The following GPC6 variants were observed in gnomAD, a reference collection of about 807,000 sequenced individuals.
GPC6 encodes the protein glypican 6.
Under a neutral mutation model 55.2 loss-of-function variants are expected in GPC6, and 14 were observed. That is an observed-to-expected ratio of 0.25 (90% CI 0.17 to 0.40). The LOEUF is 0.40. GPC6 is among the 10% of genes least tolerant of loss of function. GPC6 has a pLI of 1.00. For synonymous variants in GPC6, 278 were observed against 259.6 expected (o/e 1.07, Z -0.68); for missense variants, 641 against 708.5 (o/e 0.90, Z 1.08).
At chr13:94,081,157 C>T (rs1169494139) in intron 4 of GPC6, among the ~76,000 whole-genome samples, 1 of 152,124 alleles carries the variant, frequency 6.6e-6, no homozygotes, top group Non-Finnish European at 1.5e-5. Flanking sequence ...CTGGCTAGCT[C>T]TAAAAGACTC....
intron 1 of GPC6, among the ~76,000 whole-genome samples, chr13:93,445,478 A>T (rs1877967265): frequency 6.6e-6 from 1 of 152,176 alleles, no homozygotes; most frequent in South Asian, 2.1e-4. Context: ...TTCAAAGTGA[A>T]CCACAATTCA....
At chr13:93,909,231 T>C (rs897991478) in intron 3 of GPC6, among the ~76,000 whole-genome samples, 22 of 152,280 alleles carry the variant, frequency 1.4e-4, no homozygotes, top group Non-Finnish European at 3.1e-4. Flanking sequence ...TGCAAGTAAA[T>C]GCTTGAATCA....
chr13:93,674,378 A>G (rs1232587438), intron 2 of GPC6, among the ~76,000 whole-genome samples: 3 of 152,150 alleles, frequency 2.0e-5, no homozygotes, highest in African/African-American at 2.4e-5. Flanking sequence ...GCCTAATTTT[A>G]TGTCCTATCT....
At chr13:93,540,127 C>T (rs573209716) in intron 1 of GPC6, among the ~76,000 whole-genome samples, 28 of 151,948 alleles carry the variant, frequency 1.8e-4, no homozygotes, top group South Asian at 6.3e-4. Context: ...AGAATGTTTA[C>T]GTGTAACAGC....
chr13:93,380,952 A>G (rs1875143374), intron 1 of GPC6, among the ~76,000 whole-genome samples: 2 of 152,134 alleles, frequency 1.3e-5, no homozygotes, highest in African/African-American at 4.8e-5. Flanking sequence ...AGTTGCCTAA[A>G]ATCTCTTCAC....
intron 4 of GPC6, among the ~76,000 whole-genome samples, chr13:94,255,518 A>G (rs976488537): frequency 2.0e-5 from 3 of 152,136 alleles, no homozygotes; most frequent in African/African-American, 7.2e-5. Context: ...GAACTTCTTG[A>G]AATACTTGGT....
chr13:94,345,296 A>G (rs1878232304), intron 6 of GPC6, among the ~76,000 whole-genome samples: 1 of 152,178 alleles, frequency 6.6e-6, no homozygotes, highest in African/African-American at 2.4e-5. Flanking sequence ...CTGTAATAGT[A>G]TCTAATACAG....
At chr13:93,790,486 T>C (rs1362364159) in intron 2 of GPC6, among the ~76,000 whole-genome samples, 1 of 152,184 alleles carries the variant, frequency 6.6e-6, no homozygotes, top group Non-Finnish European at 1.5e-5. Flanking sequence ...ATCAGATTTA[T>C]TATTGGTAAC....
intron 3 of GPC6, among the ~76,000 whole-genome samples, chr13:93,912,438 G>A (rs540913382): frequency 9.2e-5 from 14 of 152,114 alleles, no homozygotes; most frequent in African/African-American, 3.1e-4. Context: ...TCACAAATTG[G>A]GTGGCTCAAA....
intron 2 of GPC6, among the ~76,000 whole-genome samples, chr13:93,612,052 T>C (rs1391711666): frequency 6.6e-6 from 1 of 152,216 alleles, no homozygotes; most frequent in African/African-American, 2.4e-5. Flanking sequence ...GTAAGGATAC[T>C]AAATAACTGA....
intron 4 of GPC6, among the ~76,000 whole-genome samples, chr13:94,252,886 T>G (rs982267167): frequency 6.6e-6 from 1 of 151,774 alleles, no homozygotes; most frequent in Admixed American, 6.6e-5. Context: ...AAGCCTGCTG[T>G]TTCCAGTGAA....
chr13:93,736,472 A>G (rs967228094), intron 2 of GPC6, among the ~76,000 whole-genome samples: 2 of 152,218 alleles, frequency 1.3e-5, no homozygotes, highest in African/African-American at 4.8e-5. Context: ...GATGAATAGA[A>G]TATTGATTAG....
chr13:93,563,659 T>C (rs1244115840), intron 2 of GPC6, among the ~76,000 whole-genome samples: 2 of 151,630 alleles, frequency 1.3e-5, no homozygotes, highest in Non-Finnish European at 2.9e-5. Flanking sequence ...GTAGCAAGTA[T>C]AGCATTTGAA....
intron 2 of GPC6, among the ~76,000 whole-genome samples, chr13:93,583,370 A>G (rs1379013015): frequency 7.0e-6 from 1 of 143,370 alleles, no homozygotes; most frequent in African/African-American, 3.0e-5. Flanking sequence ...GCGCGTGCGT[A>G]TGTGTGTGTA....
At chr13:93,416,949 T>C (rs1222674607) in intron 1 of GPC6, among the ~76,000 whole-genome samples, 2 of 152,148 alleles carry the variant, frequency 1.3e-5, no homozygotes, top group African/African-American at 4.8e-5. Context: ...CCTTGATCAT[T>C]GAATCACTTG....
At chr13:94,129,621 G>A (rs1040579802) in intron 4 of GPC6, among the ~76,000 whole-genome samples, 1 of 152,110 alleles carries the variant, frequency 6.6e-6, no homozygotes, top group Non-Finnish European at 1.5e-5. Context: ...CCCTAGCAGA[G>A]CGAGTGGCTT....
At chr13:93,767,959 G>A (rs1424188521) in intron 2 of GPC6, among the ~76,000 whole-genome samples, 1 of 151,748 alleles carries the variant, frequency 6.6e-6, no homozygotes, top group Non-Finnish European at 1.5e-5. Flanking sequence ...TTAAGCTATT[G>A]AGTTACAAGC....
chr13:94,216,753 C>A (rs1890236131), intron 4 of GPC6, among the ~76,000 whole-genome samples: 1 of 152,168 alleles, frequency 6.6e-6, no homozygotes, highest in African/African-American at 2.4e-5. Context: ...TGTGATAAGA[C>A]CAGCCTTTAC....
chr13:94,144,458 C>T (rs1342765512), intron 4 of GPC6, among the ~76,000 whole-genome samples: 1 of 149,302 alleles, frequency 6.7e-6, no homozygotes, highest in Non-Finnish European at 1.5e-5. Context: ...AAATGGAACA[C>T]CCATTTTTCA....
Sources: gnomAD v4.1 joint callset for allele counts (sites outside exome capture counted in the v4.1 genomes callset) on GRCh38, gnomAD v4.1.1 for gene constraint, MANE v1.5 for transcripts, NCBI Gene and HGNC (gene_info 2026-07-23, HGNC 2026-07-21) for gene names.